C11orf97: variants seen among roughly 807,000 people sequenced by gnomAD.
The protein encoded by C11orf97 is uncharacterized protein C11orf97.
C11orf97 carries 15 observed loss-of-function variants against 16.2 expected under a neutral mutation model. That is an observed-to-expected ratio of 0.93 (90% CI 0.62 to 1.43). C11orf97 has a LOEUF of 1.43. C11orf97 is among the 40% of genes most tolerant of loss of function. The pLI, the probability that C11orf97 is intolerant of heterozygous loss-of-function variation, is 0.00. For missense variants in C11orf97, 171 were observed against 161.2 expected (o/e 1.06, Z -0.33); for synonymous variants, 61 against 65.7 (o/e 0.93, Z 0.34).
At position 94,532,119 on chromosome 11, in the gene C11orf97, A is replaced by G. The variant is rs1455732140; in HGVS notation, c.*219A>G. ...ACCTGAAAACAATAAAGGAAAATAT[A>G]CTTATTTTTAGTTGTCACAGTTATA... On this transcript the variant is annotated 3_prime_UTR_variant, in exon 4 of 4. Transcript: ENST00000542198. 5 of 367,096 alleles carry G rather than the reference A, an allele frequency of 1.4e-5. No homozygotes were observed. The highest frequency in any genetic ancestry group is 7.9e-5 in the East Asian group (2 of 25,464). The allele number at this position is 367,096 out of a possible 1,614,324, so 22.7% of individuals were successfully genotyped here. A position where few individuals can be genotyped will look rare whatever the true frequency, so the allele number is the denominator to read the frequency against.
At chr11:94,530,328 GC>G (rs1256678305) in intron 3 of C11orf97, among the ~76,000 whole-genome samples, 2 of 152,162 alleles carry the variant, frequency 1.3e-5, no homozygotes, top group African/African-American at 4.8e-5. Context: ...TCTTTAGGTT[GC>G]CAGCTGCATT....
intron 3 of C11orf97, among the ~76,000 whole-genome samples, chr11:94,531,526 CAAAAA>C (rs35270400): frequency 0.24 from 22,214 of 92,450 alleles, 2,016 homozygotes; most frequent in East Asian, 0.36. Flanking sequence ...CAAAACAAGC[CAAAAA>C]AAAAAAAAAA....
chr11:94,530,202 T>C (rs1947727824), intron 3 of C11orf97, among the ~76,000 whole-genome samples: 1 of 152,230 alleles, frequency 6.6e-6, no homozygotes, highest in Non-Finnish European at 1.5e-5. Flanking sequence ...TTTGTACTCA[T>C]CCACACTACA....
At chr11:94,528,013 T>C (rs1196211868) in intron 2 of C11orf97, 71 bp from the exon 3 acceptor site, 4 of 1,390,246 alleles carry the variant, frequency 2.9e-6, no homozygotes, top group African/African-American at 1.5e-5. Flanking sequence ...ACCAATTAAA[T>C]ACTTTAAAAA....
At chr11:94,523,440 T>C (rs902783414) in intron 2 of C11orf97, among the ~76,000 whole-genome samples, 1 of 152,236 alleles carries the variant, frequency 6.6e-6, no homozygotes, top group Non-Finnish European at 1.5e-5. Flanking sequence ...AGAGTCCAGA[T>C]TGGATTTTCC....
chr11:94,521,621 T>A (rs1257806686), intron 2 of C11orf97, among the ~76,000 whole-genome samples: 1 of 152,204 alleles, frequency 6.6e-6, no homozygotes, highest in Non-Finnish European at 1.5e-5. Flanking sequence ...ATTGGCTATC[T>A]CTCCCACTAG....
intron 2 of C11orf97, among the ~76,000 whole-genome samples, chr11:94,524,586 G>GGA (rs371812693): frequency 4.3e-5 from 5 of 115,416 alleles, no homozygotes; most frequent in Non-Finnish European, 8.5e-5. Context: ...ACCTCATCCT[G>GGA]AAAAAAAAAA....
intron 1 of C11orf97, among the ~76,000 whole-genome samples, chr11:94,516,305 A>T (rs1947610969): frequency 6.6e-6 from 1 of 152,200 alleles, no homozygotes; most frequent in African/African-American, 2.4e-5. Flanking sequence ...TCAAATCATA[A>T]ACAACTAAAG....
At position 94,531,877 on chromosome 11, in the gene C11orf97, C is replaced by CT. The variant is rs60740931; in HGVS notation, c.377-9dup. On this transcript the variant is annotated intron_variant, in intron 3 of 3. Transcript: ENST00000542198. ...CCGAAGTAAAACACTTATTTTTTCA[C>CT]TTTTTTTTTTAACTCTAGGATAAGA... The CT allele has an allele frequency of 0.056, 72,085 of 1,288,906 alleles. 730 individuals are homozygous for CT. The highest frequency in any genetic ancestry group is 0.095 in the Admixed American group (2,993 of 31,430). 79.8% of individuals were successfully genotyped at this position (1,288,906 alleles called of 1,614,324 possible).
Position 94,523,060 on chromosome 11 carries a change from G to A in C11orf97, c.251-5024G>A, listed in dbSNP as rs145750156. Among the ~76,000 whole-genome samples the A allele has an allele frequency of 6.5e-4, 99 of 152,064 alleles. 1 individual carries two copies. Among genetic ancestry groups the A allele is most frequent in the Admixed American group, 4.4e-3 (68 of 15,282 alleles). The stretch of plus-strand genomic sequence containing the variant: ...ACAAGCTATGTATGTTCACGTGCCC[G>A]CTGCAGGTTTTTTCTTCTCATCGTG... On this transcript the variant is annotated intron_variant, in intron 2 of 3. Transcript: ENST00000542198.
At position 94,512,537 on chromosome 11, in the gene C11orf97, C is replaced by T. The variant is rs1441243141; in HGVS notation, c.9C>T (p.Gly3=). The T allele has an allele frequency of 6.9e-6, 9 of 1,310,250 alleles. No homozygotes were observed. In the East Asian group the frequency reaches 2.2e-4, roughly 31 times the overall value. 81.2% of individuals were successfully genotyped at this position (1,310,250 alleles called of 1,614,324 possible). Residue 3 remains glycine (G), a synonymous_variant, in exon 1 of 4, where the codon GGC becomes GGT. Transcript: ENST00000542198. Reference sequence around the variant, plus strand: ...CGGAAGACCGCTGCGGCATGACAGGCGAGGAGGCGGTGGTGGTGACCGCAG... The same window carrying T: ...CGGAAGACCGCTGCGGCATGACAGGTGAGGAGGCGGTGGTGGTGACCGCAG... MT[G]EEAVVVTAVV...
intron 2 of C11orf97, among the ~76,000 whole-genome samples, chr11:94,527,247 G>GT (rs1255958757): frequency 6.6e-6 from 1 of 152,188 alleles, no homozygotes; most frequent in Non-Finnish European, 1.5e-5. Context: ...TCAAATATCA[G>GT]TGAGGATGCC....
chr11:94,512,679 T>A lies in C11orf97; in HGVS notation c.145+6T>A. 6.5e-6 allele frequency: 8 copies of A among 1,237,290 alleles called. No homozygotes were observed. The highest frequency in any genetic ancestry group is 8.1e-6 in the Non-Finnish European group (8 of 990,344). The allele number at this position is 1,237,290 out of a possible 1,614,324, so 76.6% of individuals were successfully genotyped here. A position where few individuals can be genotyped will look rare whatever the true frequency, so the allele number is the denominator to read the frequency against. ...CCTAGAGCACGGCCAGCAGTGTGAG[T>A]TCAGCTCCAGCCGCGGACGCTACTG... is the stretch of plus-strand genomic sequence containing the variant. On this transcript the variant is annotated splice_donor_region_variant and intron_variant, in intron 1 of 3. Coordinates refer to ENST00000542198, the MANE Select transcript of C11orf97 (RefSeq NM_001190462.2).
intron 1 of C11orf97, among the ~76,000 whole-genome samples, chr11:94,513,717 C>T (rs1405673282): frequency 6.6e-6 from 1 of 152,158 alleles, no homozygotes. Context: ...AATGTCATTC[C>T]TTTTGTTATT....
Position 94,528,192 on chromosome 11 carries a change from G to A in C11orf97, c.359G>A (p.Arg120Lys). ...SLLPQAKYYS[R>K]HGGLRR ...TTGCCACAAGCCAAGTACTACTCCAGGCACGGAGGACTCAGAAGTAAGACC... is the reference window on the plus strand; with the variant it reads ...TTGCCACAAGCCAAGTACTACTCCAAGCACGGAGGACTCAGAAGTAAGACC... Residue 120 changes from arginine to lysine, a missense_variant, in exon 3 of 4, where the codon AGG (arginine) becomes AAG (lysine). Arg to Lys is a conservative substitution (Grantham distance 26, BLOSUM62 2). Coordinates refer to ENST00000542198, the MANE Select transcript of C11orf97 (RefSeq NM_001190462.2). 6.5e-7 allele frequency: 1 copy of A among 1,534,992 alleles called. No individual in the cohort carries two copies. The highest frequency in any genetic ancestry group is 8.7e-7 in the Non-Finnish European group (1 of 1,146,584).
chr11:94,516,183 CT>C (rs1190299420), intron 1 of C11orf97, among the ~76,000 whole-genome samples: 3 of 152,190 alleles, frequency 2.0e-5, no homozygotes, highest in African/African-American at 7.2e-5. Flanking sequence ...AGCAGCAGGT[CT>C]CTTGCCCCAT....
intron 2 of C11orf97, among the ~76,000 whole-genome samples, chr11:94,520,458 A>C (rs189035215): frequency 2.6e-5 from 4 of 152,140 alleles, no homozygotes; most frequent in Non-Finnish European, 5.9e-5. Flanking sequence ...ATCTAGCCCT[A>C]TTGGGCTAAT....
chr11:94,519,294 G>A (rs1216325285), intron 2 of C11orf97, among the ~76,000 whole-genome samples: 3 of 152,108 alleles, frequency 2.0e-5, no homozygotes, highest in Non-Finnish European at 4.4e-5. Context: ...CCAATAAAAT[G>A]GTGAAATTTG....
At chr11:94,519,738 C>T (rs1251317134) in intron 2 of C11orf97, among the ~76,000 whole-genome samples, 1 of 152,216 alleles carries the variant, frequency 6.6e-6, no homozygotes, top group African/African-American at 2.4e-5. Flanking sequence ...AGAATAGATT[C>T]TATAAATTTG....
Sources: gnomAD v4.1 joint callset for allele counts (sites outside exome capture counted in the v4.1 genomes callset) on GRCh38, gnomAD v4.1.1 for gene constraint, MANE v1.5 for transcripts, NCBI Gene and HGNC (gene_info 2026-07-23, HGNC 2026-07-21) for gene names.